ADGB: variants seen among roughly 807,000 people sequenced by gnomAD.
ADGB encodes calpain-7-like protein.
Under a neutral mutation model 210.5 loss-of-function variants are expected in ADGB, and 172 were observed. The observed-to-expected ratio is 0.82, with a 90% CI of 0.72 to 0.93. ADGB has a LOEUF of 0.93. Ranked by LOEUF, ADGB falls within the 40% of genes least tolerant of loss-of-function variation. ADGB has a pLI of 0.00. For missense variants in ADGB, 2,025 were observed against 1,964.8 expected (o/e 1.03, Z -0.58); for synonymous variants, 658 against 662.7 (o/e 0.99, Z 0.11).
intron 9 of ADGB, 31 bp downstream of exon 9, chr6:146,676,472 ATT>A: frequency 7.7e-7 from 1 of 1,303,102 alleles, no homozygotes; most frequent in Non-Finnish European, 9.9e-7. Flanking sequence ...AATAATAACT[ATT>A]TTAGTTGTTT....
intron 12 of ADGB, among the ~76,000 whole-genome samples, chr6:146,697,999 A>C (rs1452053768): frequency 1.3e-5 from 2 of 152,198 alleles, no homozygotes; most frequent in Non-Finnish European, 2.9e-5. Context: ...GTTAGTTTTC[A>C]GCTATCCTAT....
intron 3 of ADGB, among the ~76,000 whole-genome samples, chr6:146,653,178 C>T (rs1443204188): frequency 6.6e-6 from 1 of 151,866 alleles, no homozygotes; most frequent in Non-Finnish European, 1.5e-5. Context: ...GTCACTGTCT[C>T]CAGTCACCCC....
chr6:146,660,049 A>G (rs1467359949), intron 5 of ADGB, among the ~76,000 whole-genome samples: 1 of 152,098 alleles, frequency 6.6e-6, no homozygotes, highest in African/African-American at 2.4e-5. Flanking sequence ...TAGAATTCAG[A>G]GTTTCCTAAT....
At chr6:146,736,664 A>G in intron 23 of ADGB, 73 bp downstream of exon 23, 1 of 973,852 alleles carries the variant, frequency 1.0e-6, no homozygotes, top group Non-Finnish European at 1.5e-6. Context: ...ATACTACCAT[A>G]TTTGTTGAGA....
chr6:146,734,176 G>A, intron 22 of ADGB, 146 bp downstream of exon 22: 1 of 875,520 alleles, frequency 1.1e-6, no homozygotes, highest in Non-Finnish European at 1.7e-6. Flanking sequence ...AAATCAGGAA[G>A]CATGTCCAAT....
At chr6:146,628,582 C>A (rs1018487603) in intron 1 of ADGB, among the ~76,000 whole-genome samples, 7 of 151,920 alleles carry the variant, frequency 4.6e-5, no homozygotes, top group Non-Finnish European at 1.0e-4. Flanking sequence ...CTGCATTATA[C>A]TATAAGCTTG....
At chr6:146,668,055 G>T (rs1370091868) in intron 7 of ADGB, among the ~76,000 whole-genome samples, 3 of 152,004 alleles carry the variant, frequency 2.0e-5, no homozygotes. Flanking sequence ...TAGAGACATT[G>T]CTCAACTTAG....
chr6:146,788,396 A>C lies in ADGB; in HGVS notation c.4323A>C (p.Thr1441=). ...SQTKPKEEVE[T]AARGVKEPNS... ...GCACATGTCATGTTGTAGTAGAAAC[A>C]GCTGCACGTGGCGTAAAAGAACCAA... The change falls in exon 33 of 36, where the codon ACA becomes ACC. Residue 1441 remains threonine (T), a synonymous_variant. Transcript: ENST00000397944. 1.3e-6 allele frequency: 2 copies of C among 1,551,558 alleles called. No individual in the cohort carries two copies. The highest frequency in any genetic ancestry group is 1.7e-6 in the Non-Finnish European group (2 of 1,146,858).
At chr6:146,661,220 C>CTTTTTTTTTTTTTTTTTTTTTCT (rs5880682) in intron 5 of ADGB, among the ~76,000 whole-genome samples, 2 of 116,068 alleles carry the variant, frequency 1.7e-5, no homozygotes, top group Non-Finnish European at 3.4e-5. Context: ...TTCTTTTTTT[C>CTTTTTTTTTTTTTTTTTTTTTCT]TTTTTTTTTT....
At chr6:146,732,963 C>T (rs1583612304) in intron 20 of ADGB, among the ~76,000 whole-genome samples, 157 bp from the exon 21 acceptor site, 5 of 152,040 alleles carry the variant, frequency 3.3e-5, no homozygotes, top group African/African-American at 1.2e-4. Context: ...TGGTCTCTTA[C>T]TGGGCAGGTG....
chr6:146,778,674 A>AGT (rs1207820566), intron 29 of ADGB, among the ~76,000 whole-genome samples: 1 of 152,100 alleles, frequency 6.6e-6, no homozygotes, highest in Non-Finnish European at 1.5e-5. Flanking sequence ...AACTGCTTAG[A>AGT]GTGTAATCTC....
In ADGB at chr6:146,785,599, T is replaced by G; in HGVS notation, c.4213-11T>G. The G allele has an allele frequency of 1.3e-6, 2 of 1,547,108 alleles. No individual in the cohort carries two copies. Among genetic ancestry groups the G allele is most frequent in the African/African-American group, 1.4e-5 (1 of 73,084 alleles). ...AGAGCTTTTAAAAAGCTGCTCATGTTTGTTTTTTAGGCTTCTCAGGCTCGT... is the reference window on the plus strand; with the variant it reads ...AGAGCTTTTAAAAAGCTGCTCATGTGTGTTTTTTAGGCTTCTCAGGCTCGT... On this transcript the variant is annotated splice_polypyrimidine_tract_variant and intron_variant, in intron 31 of 35. Transcript: ENST00000397944.
rs183330261 is a variant in ADGB at position 146,647,859 on chromosome 6, T to A, written c.330+2994T>A. ...ATAATAGAATTTAAATAAAAACTTA[T>A]AGTAATTTTATTGAAAGAAAATAAA... On this transcript the variant is annotated intron_variant, in intron 3 of 35. Transcript: ENST00000397944. 9.0e-3 allele frequency among the ~76,000 whole-genome samples: 1,377 copies of A among 152,166 alleles called. 14 individuals carry two copies. Among genetic ancestry groups the A allele is most frequent in the African/African-American group, 0.031 (1,287 of 41,556 alleles).
intron 4 of ADGB, among the ~76,000 whole-genome samples, chr6:146,655,227 T>C (rs370305157): frequency 6.6e-6 from 1 of 152,278 alleles, no homozygotes; most frequent in South Asian, 2.1e-4. Context: ...GAGATCCACA[T>C]GACCAGCAAT....
At chr6:146,629,661 C>A (rs1414172096) in intron 1 of ADGB, among the ~76,000 whole-genome samples, 3 of 152,074 alleles carry the variant, frequency 2.0e-5, no homozygotes, top group Non-Finnish European at 4.4e-5. Context: ...TTTTGATGGA[C>A]AAAATCACCA....
At chr6:146,620,528 C>T (rs6933254) in intron 1 of ADGB, among the ~76,000 whole-genome samples, 457 of 151,964 alleles carry the variant, frequency 3.0e-3, no homozygotes, top group African/African-American at 0.01. Flanking sequence ...GTTCCATCTT[C>T]AAGCTTGCTA....
intron 22 of ADGB, among the ~76,000 whole-genome samples, 181 bp downstream of exon 22, chr6:146,734,211 T>C (rs958051351): frequency 6.6e-6 from 1 of 152,216 alleles, no homozygotes; most frequent in Admixed American, 6.5e-5. Flanking sequence ...GTTCCCAGGA[T>C]TGGCACAGTG....
intron 3 of ADGB, among the ~76,000 whole-genome samples, chr6:146,652,024 A>G (rs1769598458): frequency 6.6e-6 from 1 of 152,166 alleles, no homozygotes; most frequent in African/African-American, 2.4e-5. Context: ...TTTATTTCTG[A>G]CAACTAGAAA....
At chr6:146,719,102 T>C (rs1450612039) in intron 16 of ADGB, among the ~76,000 whole-genome samples, 1 of 152,190 alleles carries the variant, frequency 6.6e-6, no homozygotes. Flanking sequence ...TTGCATTCAC[T>C]CCTCATAGCA....
Sources: allele counts gnomAD v4.1 joint callset (sites outside exome capture counted in the v4.1 genomes callset), GRCh38; gene constraint gnomAD v4.1.1; transcripts MANE v1.5; gene names NCBI Gene and HGNC (gene_info 2026-07-23, HGNC 2026-07-21).